GSE1: variants seen among roughly 807,000 people sequenced by gnomAD.
GSE1 encodes the protein Gse1 coiled-coil protein.
Under a neutral mutation model 112.6 loss-of-function variants are expected in GSE1, and 32 were observed. That is an observed-to-expected ratio of 0.28 (90% CI 0.21 to 0.38). The LOEUF (loss-of-function observed/expected upper bound fraction) is 0.38. GSE1 is among the 10% of genes least tolerant of loss of function. The pLI, the probability that GSE1 is intolerant of heterozygous loss-of-function variation, is 1.00. For synonymous variants in GSE1, 1,115 were observed against 735.6 expected, an observed-to-expected ratio of 1.52 and a Z score of -8.35; for missense variants, 2,348 against 1,699.2, an observed-to-expected ratio of 1.38 and a Z score of -6.71.
rs138697795 is a variant in GSE1 at position 85,671,131 on chromosome 16, C to T, written c.3519+33C>T. The T allele has an allele frequency of 1.0e-4, 127 of 1,245,634 alleles. No individual in the cohort carries two copies. The Middle Eastern group carries it at 2.8e-3, about 28-fold the overall frequency. The allele number at this position is 1,245,634 out of a possible 1,614,324, so 77.2% of individuals were successfully genotyped here. A position where few individuals can be genotyped will look rare whatever the true frequency, so the allele number is the denominator to read the frequency against. On this transcript the variant is annotated intron_variant, in intron 15 of 15. Coordinates refer to ENST00000253458, the MANE Select transcript of GSE1 (RefSeq NM_014615.5). ...GGGAAGGGATGGAAACCTTCAAACA[C>T]GCAACCTTTTGAGTTTGGGTTCAGA...
intron 2 of GSE1, among the ~76,000 whole-genome samples, chr16:85,455,970 A>AT (rs2049815720): frequency 6.6e-6 from 1 of 152,142 alleles, no homozygotes; most frequent in South Asian, 2.1e-4. Flanking sequence ...TAGCATCCTT[A>AT]TTTTAGAGAC....
At chr16:85,651,739 T>C (rs1350295911) in intron 3 of GSE1, among the ~76,000 whole-genome samples, 1 of 152,136 alleles carries the variant, frequency 6.6e-6, no homozygotes, top group African/African-American at 2.4e-5. Context: ...CTGGCTGTCG[T>C]CTCCCTCCTG....
intron 1 of GSE1, among the ~76,000 whole-genome samples, chr16:85,262,782 G>A (rs114837835): frequency 0.012 from 1,854 of 152,310 alleles, 44 homozygotes; most frequent in African/African-American, 0.042. Context: ...TGCTTGCTCC[G>A]TCTCTCACAA....
chr16:85,604,822 T>A (rs1355590533), intron 1 of GSE1, among the ~76,000 whole-genome samples: 2 of 664 alleles, frequency 3.0e-3, no homozygotes, highest in African/African-American at 0.011. Context: ...TTTTTTTTTT[T>A]TTTTTTTTTT....
intron 1 of GSE1, among the ~76,000 whole-genome samples, chr16:85,187,536 G>A (rs185628255): frequency 6.6e-6 from 1 of 152,256 alleles, no homozygotes; most frequent in Non-Finnish European, 1.5e-5. Flanking sequence ...AAAAGAAGCT[G>A]AGGCCAGCGC....
chr16:85,619,738 G>A (rs558837118), intron 1 of GSE1, among the ~76,000 whole-genome samples: 1 of 152,306 alleles, frequency 6.6e-6, no homozygotes, highest in East Asian at 1.9e-4. Context: ...GTGGTGGGGG[G>A]ACGTTTTCAC....
intron 1 of GSE1, among the ~76,000 whole-genome samples, chr16:85,614,986 T>C (rs949271470): frequency 7.2e-5 from 11 of 152,164 alleles, no homozygotes; most frequent in Admixed American, 7.2e-4. Context: ...CGTTGTGAAA[T>C]GTGCCCCCTG....
chr16:85,212,141 C>T (rs574862431), intron 1 of GSE1, among the ~76,000 whole-genome samples: 6 of 152,326 alleles, frequency 3.9e-5, no homozygotes, highest in African/African-American at 1.4e-4. Flanking sequence ...CGCGGTGGCT[C>T]ATGCCTGGAA....
Position 85,189,012 on chromosome 16 carries a change from A to G in GSE1, c.2283+17205A>G, listed in dbSNP as rs550725225. Among the ~76,000 whole-genome samples the G allele has an allele frequency of 4.9e-4, 75 of 152,286 alleles. 1 individual carries two copies. In the Middle Eastern group the frequency reaches 0.01, roughly 21 times the overall value. On this transcript the variant is annotated intron_variant, in intron 1 of 2. Coordinates refer to the GSE1 transcript ENST00000637419. ...TGTGACTCCCAGAATGTAAACAACC[A>G]TTGTTATAGACACATTTCCCTGCAC... is the stretch of plus-strand genomic sequence containing the variant.
intron 2 of GSE1, among the ~76,000 whole-genome samples, chr16:85,516,988 G>A (rs1359178297): frequency 4.6e-5 from 7 of 152,142 alleles, no homozygotes; most frequent in South Asian, 2.1e-4. Context: ...TAGTAGAGAC[G>A]GGGTTTCACC....
chr16:85,439,244 CAG>C (rs2049319881), intron 2 of GSE1, among the ~76,000 whole-genome samples: 1 of 152,260 alleles, frequency 6.6e-6, no homozygotes, highest in Non-Finnish European at 1.5e-5. Context: ...GGCCCGGGAA[CAG>C]GGGTTAGGAC....
At chr16:85,530,854 T>TGAG (rs1555528331) in intron 2 of GSE1, among the ~76,000 whole-genome samples, 1 of 152,178 alleles carries the variant, frequency 6.6e-6, no homozygotes, top group Non-Finnish European at 1.5e-5. Flanking sequence ...GAGGCCCAAG[T>TGAG]GAGGAGGATT....
At chr16:85,397,118 T>C (rs114306711) in intron 2 of GSE1, among the ~76,000 whole-genome samples, 1,659 of 152,286 alleles carry the variant, frequency 0.011, 29 homozygotes, top group African/African-American at 0.037. Flanking sequence ...CCCTTGCCCC[T>C]GTCCCCCATC....
intron 1 of GSE1, among the ~76,000 whole-genome samples, chr16:85,279,689 G>A (rs1052490343): frequency 2.6e-5 from 4 of 152,140 alleles, no homozygotes; most frequent in African/African-American, 9.7e-5. Flanking sequence ...AAATGGTGCT[G>A]CCCGGCCTGC....
chr16:85,569,587 C>T (rs969983897), intron 1 of GSE1, among the ~76,000 whole-genome samples: 3 of 152,214 alleles, frequency 2.0e-5, no homozygotes, highest in African/African-American at 2.4e-5. Flanking sequence ...TTGGTATTAT[C>T]GTCTGTGTGA....
rs376212458 is a variant in GSE1, at chr16:85,412,452, C to T, written c.2464+54809C>T. Among the ~76,000 whole-genome samples the T allele has an allele frequency of 1.7e-3, 20 of 11,536 alleles. 1 individual carries two copies. The highest frequency in any genetic ancestry group is 4.0e-3 in the South Asian group (1 of 248). The allele number at this position is 11,536 out of a possible 152,430, so 7.6% of individuals were successfully genotyped here. Reference sequence around the variant, plus strand: ...CTCAGGCCCCCCGGATAATCCTCACCGTTACACTCAGGGCCCCCCTGGATA... The same window carrying T: ...CTCAGGCCCCCCGGATAATCCTCACTGTTACACTCAGGGCCCCCCTGGATA... On this transcript the variant is annotated intron_variant, in intron 2 of 2. Transcript: ENST00000637419.
intron 1 of GSE1, among the ~76,000 whole-genome samples, chr16:85,192,955 C>T (rs1442827298): frequency 6.6e-6 from 1 of 152,206 alleles, no homozygotes; most frequent in Non-Finnish European, 1.5e-5. Flanking sequence ...TGCGCCCAAC[C>T]TGGCGTCTGG....
chr16:85,299,850 C>T (rs561062773), intron 1 of GSE1, among the ~76,000 whole-genome samples: 4 of 150,948 alleles, frequency 2.6e-5, no homozygotes, highest in African/African-American at 4.9e-5. Context: ...GCAGGAGGAT[C>T]GCTTGAGCCT....
Position 85,205,140 on chromosome 16 carries a change from A to AT in GSE1, c.2283+33340dup, listed in dbSNP as rs201320485. ...ATTTTTATTTATTTATTTATTTTTTATTTTTTTGAGACAGAGTCTCGCTCT... is the reference window on the plus strand; with the variant it reads ...ATTTTTATTTATTTATTTATTTTTTATTTTTTTTGAGACAGAGTCTCGCTCT... On this transcript the variant is annotated intron_variant, in intron 1 of 2. Transcript: ENST00000637419. 6.6e-3 allele frequency among the ~76,000 whole-genome samples: 1,007 copies of AT among 151,630 alleles called. 10 individuals are homozygous for AT. The highest frequency in any genetic ancestry group is 0.024 in the African/African-American group (981 of 41,308).
Sources: gnomAD v4.1 joint callset for allele counts (sites outside exome capture counted in the v4.1 genomes callset) on GRCh38, gnomAD v4.1.1 for gene constraint, MANE v1.5 for transcripts, NCBI Gene and HGNC (gene_info 2026-07-23, HGNC 2026-07-21) for gene names.